The following ARK2C variants were observed in gnomAD, a reference collection of about 807,000 sequenced individuals.
ARK2C encodes the protein arkadia (RNF111) C-terminal like ring finger ubiquitin ligase 2C.
the ARK2C span, among the ~76,000 whole-genome samples, chr18:46,345,117 G>A: frequency 6.6e-6 from 1 of 152,236 alleles, no homozygotes; most frequent in African/African-American, 2.4e-5. Flanking sequence ...GGGTGCCTGC[G>A]ATGCAGGGCT....
the ARK2C span, among the ~76,000 whole-genome samples, chr18:46,428,312 G>A: frequency 6.6e-6 from 1 of 152,344 alleles, no homozygotes; most frequent in Non-Finnish European, 1.5e-5. Flanking sequence ...GGGAGGCTGA[G>A]GCAGGAGAAT....
the ARK2C span, among the ~76,000 whole-genome samples, chr18:46,397,974 G>A: frequency 7.2e-3 from 1,045 of 144,560 alleles, 12 homozygotes; most frequent in African/African-American, 0.026. Context: ...GTGTGTGTGT[G>A]GTCATGCGGA....
chr18:46,420,514 C>T, the ARK2C span, among the ~76,000 whole-genome samples: 2 of 152,182 alleles, frequency 1.3e-5, no homozygotes, highest in South Asian at 2.1e-4. Flanking sequence ...ACAATGCTAA[C>T]GTGGTCCAGG....
the ARK2C span, among the ~76,000 whole-genome samples, chr18:46,367,542 T>C: frequency 6.6e-6 from 1 of 152,142 alleles, no homozygotes; most frequent in African/African-American, 2.4e-5. Context: ...AATAGGTGGG[T>C]CTATTGGACC....
chr18:46,364,405 T>TA, the ARK2C span, among the ~76,000 whole-genome samples: 20 of 145,122 alleles, frequency 1.4e-4, no homozygotes, highest in South Asian at 2.2e-4. Flanking sequence ...CTAAGAAACT[T>TA]AAAAAAAAAA....
At chr18:46,354,811 G>T in the ARK2C span, among the ~76,000 whole-genome samples, 1 of 152,128 alleles carries the variant, frequency 6.6e-6, no homozygotes, top group African/African-American at 2.4e-5. Flanking sequence ...CATTCATTTT[G>T]TGTGTGCTCC....
chr18:46,360,185 T>G, the ARK2C span, among the ~76,000 whole-genome samples: 18 of 151,656 alleles, frequency 1.2e-4, no homozygotes, highest in African/African-American at 3.9e-4. Flanking sequence ...CCTGGCAGTG[T>G]GGTTCATTCA....
the ARK2C span, among the ~76,000 whole-genome samples, chr18:46,407,532 C>G: frequency 6.6e-6 from 1 of 152,172 alleles, no homozygotes. Context: ...AGATTTTCTC[C>G]TAGGCAGAGG....
At chr18:46,444,140 CTA>C in the ARK2C span, among the ~76,000 whole-genome samples, 10 of 151,878 alleles carry the variant, frequency 6.6e-5, no homozygotes, top group African/African-American at 2.2e-4. Context: ...CTACATTCTT[CTA>C]TGTTGAATGG....
At chr18:46,438,505 T>G in the ARK2C span, among the ~76,000 whole-genome samples, 1 of 152,210 alleles carries the variant, frequency 6.6e-6, no homozygotes, top group East Asian at 1.9e-4. Flanking sequence ...TTTGGTAGAA[T>G]TCCTTGAACA....
the ARK2C span, among the ~76,000 whole-genome samples, chr18:46,373,606 C>G: frequency 2.6e-5 from 4 of 152,204 alleles, no homozygotes; most frequent in Admixed American, 1.3e-4. Flanking sequence ...TCCCCAGTGA[C>G]GTTGAGGCTG....
chr18:46,352,398 T>G, the ARK2C span, among the ~76,000 whole-genome samples: 1 of 152,330 alleles, frequency 6.6e-6, no homozygotes, highest in East Asian at 1.9e-4. Context: ...CCAAATCTGA[T>G]AACACCTGCT....
chr18:46,384,675 A>G, the ARK2C span, among the ~76,000 whole-genome samples: 1 of 151,888 alleles, frequency 6.6e-6, no homozygotes, highest in Non-Finnish European at 1.5e-5. Flanking sequence ...ACCTCTTTCC[A>G]CTTGGGACCA....
the ARK2C span, among the ~76,000 whole-genome samples, chr18:46,373,400 G>A: frequency 2.0e-5 from 3 of 152,350 alleles, no homozygotes; most frequent in African/African-American, 7.2e-5. Context: ...CTGGGCAAGA[G>A]TCACCCAGCA....
At chr18:46,447,316 T>C in the ARK2C span, 85 of 443,506 alleles carry the variant, frequency 1.9e-4, no homozygotes, top group Non-Finnish European at 3.0e-4. Context: ...TTTGGTCCCC[T>C]AGTTTAAAGA....
At chr18:46,379,309 AC>A in the ARK2C span, among the ~76,000 whole-genome samples, 1 of 152,110 alleles carries the variant, frequency 6.6e-6, no homozygotes, top group Admixed American at 6.5e-5. Context: ...CAAACACAAA[AC>A]CCTCTCCTTA....
At chr18:46,395,243 G>A in the ARK2C span, among the ~76,000 whole-genome samples, 3 of 152,234 alleles carry the variant, frequency 2.0e-5, no homozygotes, top group African/African-American at 4.8e-5. Flanking sequence ...TTGAGCCCAC[G>A]TCTCCAGGGG....
chr18:46,457,272 G>A, the ARK2C span: 2 of 152,540 alleles, frequency 1.3e-5, no homozygotes, highest in African/African-American at 4.8e-5. Flanking sequence ...TTCTGTTTAC[G>A]GTGAAAAAGG....
At chr18:46,338,538 G>A in the ARK2C span, among the ~76,000 whole-genome samples, 1 of 152,216 alleles carries the variant, frequency 6.6e-6, no homozygotes, top group Non-Finnish European at 1.5e-5. Flanking sequence ...GTTGAGGTGG[G>A]GAAGGGGGAA....
Sources: gnomAD v4.1 joint callset for allele counts (sites outside exome capture counted in the v4.1 genomes callset) on GRCh38, gnomAD v4.1.1 for gene constraint, MANE v1.5 for transcripts, NCBI Gene and HGNC (gene_info 2026-07-23, HGNC 2026-07-21) for gene names.